Variants in MOB4 observed in about 807,000 individuals in gnomAD.
The protein encoded by MOB4 is MOB family member 4, phocein, also known as MOB-like protein phocein.
In MOB4, 4 loss-of-function variants were observed where a neutral mutation model predicts 32.2. That is an observed-to-expected ratio of 0.12 (90% CI 0.06 to 0.28). MOB4 has a LOEUF of 0.28. Ranked by LOEUF, MOB4 falls within the 10% of genes least tolerant of loss-of-function variation. The pLI, the probability that MOB4 is intolerant of heterozygous loss-of-function variation, is 1.00. For synonymous variants in MOB4, 88 were observed against 88.1 expected, an observed-to-expected ratio of 1.00 and a Z score of 0.01; for missense variants, 158 against 271.2, an observed-to-expected ratio of 0.58 and a Z score of 2.93.
intron 6 of MOB4, among the ~76,000 whole-genome samples, chr2:197,549,859 TAAAAAAAAA>T (rs573507195): frequency 1.2e-5 from 1 of 85,080 alleles, no homozygotes; most frequent in Non-Finnish European, 2.4e-5. Flanking sequence ...CCTTAATTTC[TAAAAAAAAA>T]AAAAAAAAAA....
rs1190278656 is a variant in MOB4 at position 197,551,916 on chromosome 2, A to G, written c.*1270A>G. On this transcript the variant is annotated 3_prime_UTR_variant, in exon 8 of 8. Coordinates refer to ENST00000323303, the MANE Select transcript of MOB4 (RefSeq NM_015387.5). Reference sequence around the variant, plus strand: ...GTAATGAGGCAGTAAGGGTGAAAACATTGTACATGTTGTGAAGAAAGTATT... The same window carrying G: ...GTAATGAGGCAGTAAGGGTGAAAACGTTGTACATGTTGTGAAGAAAGTATT... 1 of 152,350 alleles carries G rather than the reference A, an allele frequency of 6.6e-6. No individual in the cohort carries two copies. The highest frequency in any genetic ancestry group is 1.5e-5 in the Non-Finnish European group (1 of 68,026). 9.4% of individuals were successfully genotyped at this position (152,350 alleles called of 1,614,324 possible). A position where few individuals can be genotyped will look rare whatever the true frequency, so the allele number is the denominator to read the frequency against.
chr2:197,535,899 C>CTTTTTTTTT (rs1319135434), intron 3 of MOB4, among the ~76,000 whole-genome samples: 2 of 129,270 alleles, frequency 1.5e-5, no homozygotes, highest in Non-Finnish European at 3.4e-5. Context: ...CTTTTCTTTT[C>CTTTTTTTTT]TTTTTTTTTT....
intron 2 of MOB4, among the ~76,000 whole-genome samples, chr2:197,528,134 C>T (rs1447551194): frequency 3.3e-5 from 5 of 152,038 alleles, no homozygotes; most frequent in Non-Finnish European, 7.4e-5. Context: ...TATGTTCAGA[C>T]CATTTAACAT....
intron 2 of MOB4, among the ~76,000 whole-genome samples, chr2:197,531,735 G>C (rs767916194): frequency 5.9e-5 from 9 of 151,746 alleles, no homozygotes; most frequent in African/African-American, 2.2e-4. Context: ...ATTAGAGATG[G>C]GGTTTTACCC....
chr2:197,535,725 C>T (rs2086785675), intron 3 of MOB4, 95 bp downstream of exon 3: 1 of 1,416,884 alleles, frequency 7.1e-7, no homozygotes, highest in South Asian at 1.3e-5. Flanking sequence ...TATGTAACTG[C>T]AGACTAAGAA....
At chr2:197,543,507 ATAT>A (rs2086936047) in intron 5 of MOB4, among the ~76,000 whole-genome samples, 2 of 152,160 alleles carry the variant, frequency 1.3e-5, no homozygotes, top group Admixed American at 1.3e-4. Flanking sequence ...ATACAATGAA[ATAT>A]TATAAAACCA....
At position 197,516,072 on chromosome 2, in the gene MOB4, C is replaced by T. The variant is rs1248960340; in HGVS notation, c.-15C>T. The T allele has an allele frequency of 1.8e-5, 28 of 1,583,196 alleles. No homozygotes were observed. Among genetic ancestry groups the T allele is most frequent in the Non-Finnish European group, 2.1e-5 (25 of 1,165,752 alleles). ...ACATCCGGGTACCGACTCCAGCCGCCTAGACGCTGGCACTATGGTCATGGC... is the reference window on the plus strand; with the variant it reads ...ACATCCGGGTACCGACTCCAGCCGCTTAGACGCTGGCACTATGGTCATGGC... On this transcript the variant is annotated 5_prime_UTR_variant, in exon 1 of 8. Transcript: ENST00000323303.
intron 1 of MOB4, among the ~76,000 whole-genome samples, chr2:197,521,123 G>A (rs952432048): frequency 6.6e-6 from 1 of 152,070 alleles, no homozygotes; most frequent in Non-Finnish European, 1.5e-5. Flanking sequence ...CGGGGAACCT[G>A]CCCCGATAGT....
intron 1 of MOB4, 187 bp downstream of exon 1, chr2:197,516,333 G>T (rs1276784210): frequency 7.0e-7 from 1 of 1,428,500 alleles, no homozygotes; most frequent in Non-Finnish European, 9.1e-7. Context: ...CCGCCGTGAG[G>T]CCTGCGGAGC....
intron 5 of MOB4, 65 bp from the exon 6 acceptor site, chr2:197,548,271 A>C: frequency 7.1e-7 from 1 of 1,412,020 alleles, no homozygotes; most frequent in South Asian, 1.3e-5. Flanking sequence ...ATACCCATAT[A>C]ATGAATATAT....
intron 5 of MOB4, among the ~76,000 whole-genome samples, chr2:197,548,026 C>T (rs908101021): frequency 2.6e-5 from 4 of 152,120 alleles, no homozygotes; most frequent in South Asian, 2.1e-4. Flanking sequence ...TATAAGAAGG[C>T]ATCCCTGGAG....
At position 197,540,099 on chromosome 2, in the gene MOB4, T is replaced by G; in HGVS notation, c.225-12T>G. On this transcript the variant is annotated splice_polypyrimidine_tract_variant and intron_variant, in intron 3 of 7. Coordinates refer to ENST00000323303, the MANE Select transcript of MOB4 (RefSeq NM_015387.5). ...TAGATATGACTTTTTATTTATGTAT[T>G]TGCATTTTCAGGCAGTTCTGCCTTG... is the stretch of plus-strand genomic sequence containing the variant. 5 of 1,591,958 alleles carry G rather than the reference T, an allele frequency of 3.1e-6. No homozygotes were observed. Among genetic ancestry groups the G allele is most frequent in the Non-Finnish European group, 4.3e-6 (5 of 1,170,080 alleles).
chr2:197,522,323 C>CTTTT (rs57163165), intron 1 of MOB4, among the ~76,000 whole-genome samples: 59 of 66,498 alleles, frequency 8.9e-4, no homozygotes, highest in East Asian at 1.5e-3. Context: ...GGGTGATTAC[C>CTTTT]TTTTTTTTTT....
chr2:197,518,462 A>G (rs1005524597), intron 1 of MOB4, among the ~76,000 whole-genome samples: 3 of 145,616 alleles, frequency 2.1e-5, no homozygotes, highest in African/African-American at 5.1e-5. Flanking sequence ...GGGTTTCACC[A>G]TGTTAACCAG....
At chr2:197,550,231 T>G in intron 6 of MOB4, 44 bp from the exon 7 acceptor site, 2 of 1,554,700 alleles carry the variant, frequency 1.3e-6, no homozygotes, top group Non-Finnish European at 1.7e-6. Flanking sequence ...GTTCCTAAGA[T>G]TCTATCCAGT....
chr2:197,519,776 AAAC>A (rs1360841044), intron 1 of MOB4, among the ~76,000 whole-genome samples: 1 of 152,234 alleles, frequency 6.6e-6, no homozygotes, highest in African/African-American at 2.4e-5. Context: ...AATATTTTAA[AAAC>A]AACATTCTGT....
At position 197,551,728 on chromosome 2, in the gene MOB4, A is replaced by G. The variant is rs1291820649; in HGVS notation, c.*1082A>G. On this transcript the variant is annotated 3_prime_UTR_variant, in exon 8 of 8. Coordinates refer to ENST00000323303, the MANE Select transcript of MOB4 (RefSeq NM_015387.5). Reference sequence around the variant, plus strand: ...ACATGCACGTGTGAGATTATTTGCAATAATTCATAGGTTCCAAGGGTGTTG... The same window carrying G: ...ACATGCACGTGTGAGATTATTTGCAGTAATTCATAGGTTCCAAGGGTGTTG... The G allele has an allele frequency of 6.6e-6, 1 of 152,504 alleles. No individual in the cohort carries two copies. The allele number at this position is 152,504 out of a possible 1,614,324, so 9.4% of individuals were successfully genotyped here.
chr2:197,516,179 T>G, intron 1 of MOB4, 33 bp downstream of exon 1: 1 of 1,579,344 alleles, frequency 6.3e-7, no homozygotes, highest in Non-Finnish European at 8.6e-7. Context: ...GTCGGGCAAC[T>G]AGGTGCCGAG....
chr2:197,541,803 C>CA (rs2106130408), intron 5 of MOB4, among the ~76,000 whole-genome samples: 1 of 151,520 alleles, frequency 6.6e-6, no homozygotes, highest in Non-Finnish European at 1.5e-5. Flanking sequence ...CCTGTAGTCC[C>CA]AGCTACTTGG....
Sources: allele counts gnomAD v4.1 joint callset (sites outside exome capture counted in the v4.1 genomes callset), GRCh38; gene constraint gnomAD v4.1.1; transcripts MANE v1.5; gene names NCBI Gene and HGNC (gene_info 2026-07-23, HGNC 2026-07-21).